The following NBAS variants were observed in gnomAD, a reference collection of about 807,000 sequenced individuals.
NBAS encodes NBAS subunit of NRZ tethering complex, also known as NAG/BC035112 fusion.
Under a neutral mutation model 302.5 loss-of-function variants are expected in NBAS, and 219 were observed. The observed-to-expected ratio is 0.72, with a 90% CI of 0.65 to 0.81. NBAS has a LOEUF of 0.81. Among genes scored for constraint, NBAS ranks in the 30% least tolerant of loss-of-function variants. NBAS has a pLI of 0.00. For missense variants in NBAS, 2,932 were observed against 2,841.6 expected (o/e 1.03, Z -0.72); for synonymous variants, 1,118 against 1,021.6 (o/e 1.09, Z -1.80).
intron 26 of NBAS, among the ~76,000 whole-genome samples, chr2:15,399,596 G>A (rs1443962132): frequency 6.6e-6 from 1 of 151,802 alleles, no homozygotes; most frequent in East Asian, 1.9e-4. Flanking sequence ...CAGATGCTGA[G>A]TCCACTCTGA....
the NBAS span, among the ~76,000 whole-genome samples, chr2:14,940,140 G>A: frequency 6.6e-6 from 1 of 152,188 alleles, no homozygotes; most frequent in South Asian, 2.1e-4. Context: ...AACTCAGTTT[G>A]GAATCTCTGA....
At chr2:14,874,534 G>T in the NBAS span, among the ~76,000 whole-genome samples, 1 of 151,502 alleles carries the variant, frequency 6.6e-6, no homozygotes, top group African/African-American at 2.4e-5. Flanking sequence ...CAGCTACTTG[G>T]GAGGCTGAGG....
rs371430309 is a variant in NBAS, at chr2:15,190,421, C to T, written c.6433-18G>A. ...ATGTCTACCTGGAAGAAGAAATACA[C>T]ACTTAAAGCTGGTGGCAAAGGCTAC... On this transcript the variant is annotated intron_variant, in intron 48 of 51. Transcript: ENST00000281513. 1.2e-6 allele frequency: 2 copies of T among 1,613,574 alleles called. No individual in the cohort carries two copies. The highest frequency in any genetic ancestry group is 1.7e-6 in the Non-Finnish European group (2 of 1,179,768).
chr2:15,346,735 A>C (rs976277115), intron 35 of NBAS, among the ~76,000 whole-genome samples: 1 of 152,212 alleles, frequency 6.6e-6, no homozygotes, highest in African/African-American at 2.4e-5. Context: ...TACAAAAGCA[A>C]AGCCATGGAA....
At chr2:15,352,289 A>T (rs568223354) in intron 34 of NBAS, among the ~76,000 whole-genome samples, 8 of 152,344 alleles carry the variant, frequency 5.3e-5, no homozygotes, top group African/African-American at 1.9e-4. Context: ...GTGTGAAAAA[A>T]ATGATATACA....
chr2:14,828,843 G>A, the NBAS span, among the ~76,000 whole-genome samples: 1 of 152,166 alleles, frequency 6.6e-6, no homozygotes, highest in African/African-American at 2.4e-5. Flanking sequence ...TGTTTCATAG[G>A]TGTTGGGGTT....
At chr2:15,221,910 C>T (rs1489078331) in intron 47 of NBAS, among the ~76,000 whole-genome samples, 1 of 152,166 alleles carries the variant, frequency 6.6e-6, no homozygotes, top group Non-Finnish European at 1.5e-5. Flanking sequence ...AGCACAGGCT[C>T]TGGTGGTGTT....
At chr2:15,228,298 G>A (rs944763192) in intron 47 of NBAS, among the ~76,000 whole-genome samples, 4 of 152,100 alleles carry the variant, frequency 2.6e-5, no homozygotes, top group Non-Finnish European at 4.4e-5. Context: ...CAATCAAAAT[G>A]ACAGTGAGTT....
intron 13 of NBAS, among the ~76,000 whole-genome samples, 197 bp from the exon 14 acceptor site, chr2:15,476,077 C>T (rs1680179317): frequency 6.6e-6 from 1 of 152,068 alleles, no homozygotes; most frequent in Admixed American, 6.6e-5. Context: ...TGTTAATTCC[C>T]TTGACAAATT....
intron 5 of NBAS, among the ~76,000 whole-genome samples, chr2:15,552,370 A>C (rs1026959346): frequency 2.0e-5 from 3 of 152,190 alleles, no homozygotes; most frequent in Non-Finnish European, 4.4e-5. Context: ...GTCCATGTCT[A>C]TGTGGATTTT....
intron 12 of NBAS, among the ~76,000 whole-genome samples, chr2:15,485,297 T>G (rs1483368550): frequency 6.6e-6 from 1 of 151,982 alleles, no homozygotes; most frequent in East Asian, 1.9e-4. Context: ...AATTAATAAT[T>G]ATAAAGAGTG....
At position 15,175,193 on chromosome 2, in the gene NBAS, C is replaced by G. The variant is rs991160335; in HGVS notation, c.6840+3795G>C. Among the ~76,000 whole-genome samples, 6 of 152,144 alleles carry G rather than the reference C, an allele frequency of 3.9e-5. No homozygotes were observed. The South Asian group carries it at 1.2e-3, about 32-fold the overall frequency. ...GTGTTAGCCAGGATGGTCTCGATCT[C>G]CTGACCTCATGATCCACCCTCCTCG... On this transcript the variant is annotated intron_variant, in intron 51 of 51. Transcript: ENST00000281513.
intron 46 of NBAS, among the ~76,000 whole-genome samples, chr2:15,234,198 G>A (rs1667492986): frequency 6.6e-6 from 1 of 152,170 alleles, no homozygotes; most frequent in Admixed American, 6.5e-5. Flanking sequence ...ATGGGAATTA[G>A]AAATGGTAAG....
chr2:14,874,978 CTAGAAA>C, the NBAS span, among the ~76,000 whole-genome samples: 1 of 151,646 alleles, frequency 6.6e-6, no homozygotes, highest in Non-Finnish European at 1.5e-5. Context: ...ACTGAGAGAA[CTAGAAA>C]TAGAAAGGAC....
chr2:15,007,861 C>T, the NBAS span, among the ~76,000 whole-genome samples: 6 of 152,370 alleles, frequency 3.9e-5, no homozygotes, highest in Admixed American at 2.6e-4. Context: ...TACTGCATGA[C>T]TTTAATAGTT....
chr2:15,202,052 A>G (rs568794974), intron 48 of NBAS, among the ~76,000 whole-genome samples: 2 of 152,356 alleles, frequency 1.3e-5, no homozygotes, highest in Admixed American at 6.5e-5. Context: ...GCCTGTTTAT[A>G]AACTGCTTAA....
At chr2:15,012,731 A>G in the NBAS span, among the ~76,000 whole-genome samples, 1 of 152,228 alleles carries the variant, frequency 6.6e-6, no homozygotes, top group African/African-American at 2.4e-5. Context: ...AAGCCAGAAG[A>G]TAATGGAATG....
At chr2:14,894,833 C>T in the NBAS span, among the ~76,000 whole-genome samples, 2 of 151,778 alleles carry the variant, frequency 1.3e-5, no homozygotes, top group African/African-American at 2.4e-5. Flanking sequence ...CTGAGGTGGG[C>T]GGATCACGAG....
the NBAS span, among the ~76,000 whole-genome samples, chr2:14,804,837 A>G: frequency 1.3e-5 from 2 of 152,226 alleles, no homozygotes; most frequent in Non-Finnish European, 2.9e-5. Flanking sequence ...GGACTTGGAA[A>G]GGTTAGATAG....
Sources: gnomAD v4.1 joint callset for allele counts (sites outside exome capture counted in the v4.1 genomes callset) on GRCh38, gnomAD v4.1.1 for gene constraint, MANE v1.5 for transcripts, NCBI Gene and HGNC (gene_info 2026-07-23, HGNC 2026-07-21) for gene names.